Variants in PTPRD observed in about 807,000 individuals in gnomAD.
PTPRD encodes receptor-type tyrosine-protein phosphatase delta.
PTPRD carries 34 observed loss-of-function variants against 214.5 expected under a neutral mutation model. That is an observed-to-expected ratio of 0.16 (90% CI 0.12 to 0.21). The LOEUF (loss-of-function observed/expected upper bound fraction) is 0.21. Among genes scored for constraint, PTPRD ranks in the 10% least tolerant of loss-of-function variants. The pLI is 1.00. For missense variants in PTPRD, 2,545 were observed against 2,398.7 expected, an observed-to-expected ratio of 1.06 and a Z score of -1.27; for synonymous variants, 1,128 against 845.7, an observed-to-expected ratio of 1.33 and a Z score of -5.79.
chr9:8,936,674 G>A (rs951605182), intron 11 of PTPRD, among the ~76,000 whole-genome samples: 4 of 152,100 alleles, frequency 2.6e-5, no homozygotes, highest in African/African-American at 9.7e-5. Flanking sequence ...TAGTTTGCCT[G>A]TGGTAAAACA....
chr9:9,519,518 T>A (rs1243161001), intron 8 of PTPRD, among the ~76,000 whole-genome samples: 1 of 151,868 alleles, frequency 6.6e-6, no homozygotes, highest in Non-Finnish European at 1.5e-5. Flanking sequence ...GAACATAGCT[T>A]TTGAGACTAC....
At chr9:8,321,578 A>C (rs1828221537) in intron 44 of PTPRD, among the ~76,000 whole-genome samples, 1 of 146,810 alleles carries the variant, frequency 6.8e-6, no homozygotes, top group South Asian at 2.2e-4. Context: ...GGAATATTAA[A>C]ATTATTTTAT....
chr9:9,537,557 A>G (rs1375720567), intron 8 of PTPRD, among the ~76,000 whole-genome samples: 1 of 151,994 alleles, frequency 6.6e-6, no homozygotes, highest in East Asian at 1.9e-4. Flanking sequence ...TCTATCACAC[A>G]TCTTAGAATC....
intron 10 of PTPRD, among the ~76,000 whole-genome samples, chr9:9,068,801 G>A (rs1348951351): frequency 1.3e-5 from 2 of 151,920 alleles, no homozygotes; most frequent in Non-Finnish European, 2.9e-5. Flanking sequence ...TAGCAGAGAT[G>A]GGGTTTCACT....
intron 3 of PTPRD, among the ~76,000 whole-genome samples, chr9:10,186,219 G>A (rs189775586): frequency 2.0e-5 from 3 of 152,100 alleles, no homozygotes; most frequent in East Asian, 1.9e-4. Flanking sequence ...AACTCAACCT[G>A]AGAGTCAATT....
At chr9:8,867,617 A>T (rs1235709526) in intron 11 of PTPRD, among the ~76,000 whole-genome samples, 1 of 152,188 alleles carries the variant, frequency 6.6e-6, no homozygotes, top group Non-Finnish European at 1.5e-5. Context: ...GGATATCAAA[A>T]CTGCTCAGTT....
At chr9:8,564,065 A>T in intron 14 of PTPRD, among the ~76,000 whole-genome samples, 1 of 152,206 alleles carries the variant, frequency 6.6e-6, no homozygotes, top group East Asian at 1.9e-4. Context: ...GGCTAGAGAT[A>T]TGTGGTACGA....
chr9:9,214,830 C>G (rs2099951103), intron 9 of PTPRD, among the ~76,000 whole-genome samples: 1 of 152,032 alleles, frequency 6.6e-6, no homozygotes, highest in African/African-American at 2.4e-5. Context: ...TCTCAGCAAG[C>G]CTGTGTGATA....
chr9:9,608,642 A>T (rs1018917389), intron 7 of PTPRD, among the ~76,000 whole-genome samples: 2 of 152,214 alleles, frequency 1.3e-5, no homozygotes, highest in African/African-American at 2.4e-5. Context: ...ACACTGCTTC[A>T]TTCTGGCATA....
intron 3 of PTPRD, among the ~76,000 whole-genome samples, chr9:10,275,779 G>A (rs139544108): frequency 9.2e-5 from 14 of 152,270 alleles, no homozygotes; most frequent in African/African-American, 3.4e-4. Context: ...CAGCATAGAG[G>A]CAGGAAATGG....
At chr9:10,176,275 T>A (rs995281314) in intron 3 of PTPRD, among the ~76,000 whole-genome samples, 3 of 151,818 alleles carry the variant, frequency 2.0e-5, no homozygotes, top group African/African-American at 7.2e-5. Context: ...AGGTTTTTAA[T>A]GTGTTTTTTT....
At chr9:9,650,766 T>C (rs183613225) in intron 7 of PTPRD, among the ~76,000 whole-genome samples, 6 of 152,158 alleles carry the variant, frequency 3.9e-5, no homozygotes, top group Admixed American at 1.3e-4. Flanking sequence ...CACATGTACC[T>C]CTGAACTTGA....
intron 3 of PTPRD, among the ~76,000 whole-genome samples, chr9:10,108,601 A>G (rs1353779473): frequency 6.6e-6 from 1 of 152,094 alleles, no homozygotes; most frequent in African/African-American, 2.4e-5. Flanking sequence ...TGATCCTGCA[A>G]TCCTACTGCT....
intron 9 of PTPRD, among the ~76,000 whole-genome samples, chr9:9,246,832 G>A (rs766747493): frequency 3.9e-5 from 6 of 151,934 alleles, no homozygotes; most frequent in African/African-American, 1.2e-4. Flanking sequence ...TTCCTGTTAA[G>A]GAAGGAAGAA....
At chr9:9,914,718 A>T (rs965992845) in intron 5 of PTPRD, among the ~76,000 whole-genome samples, 4 of 150,170 alleles carry the variant, frequency 2.7e-5, no homozygotes, top group Non-Finnish European at 5.9e-5. Flanking sequence ...ATCCCCATAC[A>T]TAAGCTGACT....
At chr9:8,404,409 G>C in intron 36 of PTPRD, 128 bp downstream of exon 36, 1 of 1,275,704 alleles carries the variant, frequency 7.8e-7, no homozygotes, top group South Asian at 1.8e-5. Context: ...GATTACAGGC[G>C]TGAGCCACCA....
intron 5 of PTPRD, among the ~76,000 whole-genome samples, chr9:9,777,814 C>A (rs187345866): frequency 6.6e-6 from 1 of 152,208 alleles, no homozygotes; most frequent in Admixed American, 6.5e-5. Flanking sequence ...CAGTAAAATG[C>A]ATAAATTGTA....
At chr9:10,149,057 A>G (rs962591839) in intron 3 of PTPRD, among the ~76,000 whole-genome samples, 1 of 152,214 alleles carries the variant, frequency 6.6e-6, no homozygotes, top group Non-Finnish European at 1.5e-5. Flanking sequence ...ATAGAAGGAC[A>G]TGAGAATATA....
At chr9:8,683,385 CA>C (rs78015875) in intron 12 of PTPRD, among the ~76,000 whole-genome samples, 12,290 of 106,936 alleles carry the variant, frequency 0.11, 1,170 homozygotes, top group African/African-American at 0.29. Flanking sequence ...ACTCCTTTCT[CA>C]AAAAAAAAAA....
Sources: allele counts gnomAD v4.1 joint callset (sites outside exome capture counted in the v4.1 genomes callset), GRCh38; gene constraint gnomAD v4.1.1; transcripts MANE v1.5; gene names NCBI Gene and HGNC (gene_info 2026-07-23, HGNC 2026-07-21).